PCDHA12: variants seen among roughly 807,000 people sequenced by gnomAD.
PCDHA12 encodes protocadherin alpha-12.
In PCDHA12, 44 loss-of-function variants were observed where a neutral mutation model predicts 60.0. The ratio of observed to expected loss-of-function variants is 0.73; its 90% confidence interval spans 0.58 to 0.94. The LOEUF (loss-of-function observed/expected upper bound fraction) is 0.94, where lower values mean the gene tolerates loss of function less well. PCDHA12 is among the 40% of genes least tolerant of loss of function. The pLI, the probability that PCDHA12 is intolerant of heterozygous loss-of-function variation, is 0.00. For missense variants in PCDHA12, 1,276 were observed against 1,239.7 expected (o/e 1.03, Z -0.44); for synonymous variants, 569 against 553.0 (o/e 1.03, Z -0.40).
chr5:140,969,257 A>G, intron 1 of PCDHA12: 1 of 1,614,220 alleles, frequency 6.2e-7, no homozygotes, highest in Non-Finnish European at 8.5e-7. Context: ...TGACAGCAGG[A>G]ATCTCACAGG....
intron 3 of PCDHA12, among the ~76,000 whole-genome samples, chr5:140,997,131 C>G (rs577407385): frequency 6.6e-6 from 1 of 152,008 alleles, no homozygotes; most frequent in Admixed American, 6.6e-5. Flanking sequence ...ACACAATGCC[C>G]CCACACCCCC....
intron 3 of PCDHA12, among the ~76,000 whole-genome samples, chr5:140,985,392 C>T (rs1329580146): frequency 6.6e-6 from 1 of 152,172 alleles, no homozygotes; most frequent in Non-Finnish European, 1.5e-5. Context: ...CCAGTCACCC[C>T]AACTGTTCCC....
At chr5:140,948,620 TTAA>T (rs1422284059) in intron 1 of PCDHA12, among the ~76,000 whole-genome samples, 3 of 151,714 alleles carry the variant, frequency 2.0e-5, no homozygotes, top group Non-Finnish European at 4.4e-5. Context: ...CACAAAGTTG[TTAA>T]TAATATTCTC....
intron 3 of PCDHA12, among the ~76,000 whole-genome samples, chr5:140,994,883 A>T (rs1197020328): frequency 6.6e-6 from 1 of 152,222 alleles, no homozygotes; most frequent in Non-Finnish European, 1.5e-5. Flanking sequence ...AAGAGATGTT[A>T]GGAAATGAGA....
chr5:140,901,286 C>T (rs1681382612), intron 1 of PCDHA12, among the ~76,000 whole-genome samples: 1 of 151,988 alleles, frequency 6.6e-6, no homozygotes. Flanking sequence ...AAATTTTTGC[C>T]CAGACTGATG....
chr5:140,941,202 C>CCTTCCTTTCTTTCTTTCTTTCTTT (rs1554213920), intron 1 of PCDHA12, among the ~76,000 whole-genome samples: 8 of 122,742 alleles, frequency 6.5e-5, no homozygotes, highest in Non-Finnish European at 1.1e-4. Flanking sequence ...TTTCTTTCTT[C>CCTTCCTTTCTTTCTTTCTTTCTTT]CTTTCTTTCT....
At chr5:140,883,121 G>A in intron 1 of PCDHA12, 3 of 1,614,070 alleles carry the variant, frequency 1.9e-6, no homozygotes, top group Non-Finnish European at 2.5e-6. Context: ...TAGAAGGCCT[G>A]TATGGCCTGC....
intron 1 of PCDHA12, among the ~76,000 whole-genome samples, chr5:140,953,639 AG>A (rs1227582024): frequency 6.6e-6 from 1 of 152,152 alleles, no homozygotes; most frequent in African/African-American, 2.4e-5. Context: ...TATTTTGGCC[AG>A]GAGCTATAGT....
intron 1 of PCDHA12, among the ~76,000 whole-genome samples, chr5:140,910,829 C>G (rs938702955): frequency 6.6e-6 from 1 of 152,184 alleles, no homozygotes; most frequent in Non-Finnish European, 1.5e-5. Flanking sequence ...TAAATTCAGC[C>G]TGATCCAATG....
At chr5:140,974,905 A>G (rs1276795577) in intron 1 of PCDHA12, among the ~76,000 whole-genome samples, 2 of 152,208 alleles carry the variant, frequency 1.3e-5, no homozygotes, top group African/African-American at 4.8e-5. Context: ...TTTGTAACAA[A>G]TTACCACAAG....
chr5:141,010,446 C>T lies in PCDHA12; in HGVS notation c.*509C>T. The T allele has an allele frequency of 1.1e-6, 1 of 944,708 alleles. No homozygotes were observed. The highest frequency in any genetic ancestry group is 1.5e-6 in the Non-Finnish European group (1 of 656,274). 58.5% of individuals were successfully genotyped at this position (944,708 alleles called of 1,614,324 possible). ...AGGCAAGAAAACAAAGACAAATAAACAGCGGAAGTTATCAGTATGGAGGGG... is the reference window on the plus strand; with the variant it reads ...AGGCAAGAAAACAAAGACAAATAAATAGCGGAAGTTATCAGTATGGAGGGG... On this transcript the variant is annotated 3_prime_UTR_variant, in exon 4 of 4. Coordinates refer to ENST00000398631, the MANE Select transcript of PCDHA12 (RefSeq NM_018903.4).
chr5:140,921,779 T>C (rs1584242105), intron 1 of PCDHA12, among the ~76,000 whole-genome samples: 2 of 152,246 alleles, frequency 1.3e-5, no homozygotes, highest in East Asian at 3.9e-4. Context: ...AATACTGACT[T>C]GGATGTTCTA....
intron 1 of PCDHA12, among the ~76,000 whole-genome samples, chr5:140,911,657 ACTC>A (rs782570659): frequency 1.1e-4 from 16 of 151,986 alleles, no homozygotes; most frequent in Non-Finnish European, 1.6e-4. Flanking sequence ...GAGTTACTAA[ACTC>A]CTTGCCTCTC....
chr5:140,918,006 TG>T (rs1358735901), intron 1 of PCDHA12, among the ~76,000 whole-genome samples: 6 of 152,208 alleles, frequency 3.9e-5, no homozygotes, highest in Non-Finnish European at 7.3e-5. Flanking sequence ...TTAACAATGT[TG>T]TTTCTTCCTA....
chr5:140,896,762 T>C (rs1408695272), intron 1 of PCDHA12, among the ~76,000 whole-genome samples: 1 of 152,224 alleles, frequency 6.6e-6, no homozygotes, highest in Non-Finnish European at 1.5e-5. Context: ...TAGACCTTTG[T>C]TGGATGCATA....
In PCDHA12 at chr5:140,923,298, C is replaced by T. The variant is rs1039610789; in HGVS notation, c.2367+45459C>T. ...TACAAAAAATTAAAAATTAGCTGGG[C>T]GTGGGGGCGCTTGGCCTAGAAGTTC... On this transcript the variant is annotated intron_variant, in intron 1 of 3. Transcript: ENST00000398631. Among the ~76,000 whole-genome samples, 28 of 152,160 alleles carry T rather than the reference C, an allele frequency of 1.8e-4. 1 individual carries two copies. The highest frequency in any genetic ancestry group is 4.8e-4 in the African/African-American group (20 of 41,504).
chr5:140,987,589 G>A (rs1554249335), intron 3 of PCDHA12, among the ~76,000 whole-genome samples: 1 of 152,180 alleles, frequency 6.6e-6, no homozygotes, highest in Non-Finnish European at 1.5e-5. Context: ...GGGGAGAATA[G>A]TGGTGTCTAC....
At chr5:140,927,201 C>T (rs1330352185) in intron 1 of PCDHA12, 7 of 1,614,032 alleles carry the variant, frequency 4.3e-6, no homozygotes, top group Non-Finnish European at 5.1e-6. Flanking sequence ...TGCTCGAGGA[C>T]CCGCTGGAGC....
At chr5:140,886,623 C>T (rs1273600111) in intron 1 of PCDHA12, among the ~76,000 whole-genome samples, 39 of 151,848 alleles carry the variant, frequency 2.6e-4, no homozygotes, top group Admixed American at 2.4e-3. Flanking sequence ...ATCAGGAGTC[C>T]GAGACCAGCC....
Sources: gnomAD v4.1 joint callset for allele counts (sites outside exome capture counted in the v4.1 genomes callset) on GRCh38, gnomAD v4.1.1 for gene constraint, MANE v1.5 for transcripts, NCBI Gene and HGNC (gene_info 2026-07-23, HGNC 2026-07-21) for gene names.